GAB1: variants seen among roughly 807,000 people sequenced by gnomAD.
GAB1 encodes GRB2 associated binding protein 1.
Under a neutral mutation model 66.5 loss-of-function variants are expected in GAB1, and 19 were observed. That is an observed-to-expected ratio of 0.29 (90% CI 0.20 to 0.42). The LOEUF is 0.42. Ranked by LOEUF, GAB1 falls within the 10% of genes least tolerant of loss-of-function variation. The pLI is 1.00. For missense variants in GAB1, 732 were observed against 858.5 expected (o/e 0.85, Z 1.84); for synonymous variants, 294 against 301.4 (o/e 0.98, Z 0.25).
At chr4:143,459,163 G>A (rs902705748) in intron 6 of GAB1, among the ~76,000 whole-genome samples, 2 of 151,984 alleles carry the variant, frequency 1.3e-5, no homozygotes, top group Admixed American at 6.5e-5. Flanking sequence ...AGGCTTTGAG[G>A]TAACAATCAT....
intron 1 of GAB1, among the ~76,000 whole-genome samples, chr4:143,398,828 G>A (rs1731593827): frequency 6.6e-6 from 1 of 152,152 alleles, no homozygotes; most frequent in Admixed American, 6.5e-5. Flanking sequence ...GGGAAGCTGA[G>A]GCAGGAGGAT....
chr4:143,444,895 G>C (rs925039263), intron 6 of GAB1, among the ~76,000 whole-genome samples: 2 of 152,084 alleles, frequency 1.3e-5, no homozygotes, highest in Admixed American at 1.3e-4. Context: ...TTAGGATAAT[G>C]GCCTCCACCT....
intron 1 of GAB1, among the ~76,000 whole-genome samples, chr4:143,371,101 C>G (rs1581237059): frequency 1.3e-5 from 2 of 152,076 alleles, no homozygotes; most frequent in East Asian, 1.9e-4. Flanking sequence ...ATTTCTAGTT[C>G]TAGATCCCTG....
chr4:143,366,652 C>A (rs909571292), intron 1 of GAB1, among the ~76,000 whole-genome samples: 1 of 152,128 alleles, frequency 6.6e-6, no homozygotes, highest in African/African-American at 2.4e-5. Context: ...TACGCAGGCA[C>A]ACTCCTTCCT....
intron 9 of GAB1, among the ~76,000 whole-genome samples, chr4:143,468,345 G>A (rs1172488248): frequency 6.7e-6 from 1 of 149,482 alleles, no homozygotes; most frequent in Non-Finnish European, 1.5e-5. Context: ...CTCCCAAGTA[G>A]CTGGGATTAC....
intron 1 of GAB1, among the ~76,000 whole-genome samples, chr4:143,373,868 A>AATAT (rs1553945760): frequency 8.5e-5 from 8 of 93,666 alleles, no homozygotes; most frequent in South Asian, 4.4e-4. Flanking sequence ...TAAATAAATA[A>AATAT]ATATATATAT....
intron 1 of GAB1, among the ~76,000 whole-genome samples, chr4:143,360,851 G>T (rs916214787): frequency 6.6e-6 from 1 of 152,164 alleles, no homozygotes; most frequent in African/African-American, 2.4e-5. Context: ...TTGACTAGGG[G>T]AAATCAAATG....
intron 1 of GAB1, among the ~76,000 whole-genome samples, chr4:143,351,199 C>T (rs1729200381): frequency 6.6e-6 from 1 of 152,192 alleles, no homozygotes; most frequent in African/African-American, 2.4e-5. Context: ...TTTCTGTATC[C>T]CAGTGTTTCT....
At chr4:143,453,112 C>A (rs1735009439) in intron 6 of GAB1, among the ~76,000 whole-genome samples, 1 of 152,056 alleles carries the variant, frequency 6.6e-6, no homozygotes, top group African/African-American at 2.4e-5. Flanking sequence ...TCATTTCTGT[C>A]TGGAACATTA....
intron 2 of GAB1, among the ~76,000 whole-genome samples, chr4:143,426,290 C>G (rs1733352854): frequency 6.6e-6 from 1 of 152,196 alleles, no homozygotes; most frequent in Non-Finnish European, 1.5e-5. Context: ...GACACAAAGT[C>G]TGTAATTCCA....
chr4:143,348,192 C>A lies in GAB1; in HGVS notation c.72+10932C>A, dbSNP rs952533010. On this transcript the variant is annotated intron_variant, in intron 1 of 9. Coordinates refer to ENST00000262994, the MANE Select transcript of GAB1 (RefSeq NM_002039.4). ...ATTATAATCTTGGATGTTTTCTGACCTTTAAAGCTCATCTATGGCTCTTAA... is the reference window on the plus strand; with the variant it reads ...ATTATAATCTTGGATGTTTTCTGACATTTAAAGCTCATCTATGGCTCTTAA... 1.3e-5 allele frequency among the ~76,000 whole-genome samples: 2 copies of A among 152,200 alleles called. 1 individual carries two copies. The highest frequency in any genetic ancestry group is 4.8e-5 in the African/African-American group (2 of 41,452).
chr4:143,343,943 A>G (rs553431912), intron 1 of GAB1, among the ~76,000 whole-genome samples: 1 of 152,338 alleles, frequency 6.6e-6, no homozygotes, highest in South Asian at 2.1e-4. Flanking sequence ...AATGTTCCTC[A>G]TGGGTTCCTG....
At chr4:143,411,291 C>G (rs1348385592) in intron 1 of GAB1, among the ~76,000 whole-genome samples, 1 of 152,176 alleles carries the variant, frequency 6.6e-6, no homozygotes, top group African/African-American at 2.4e-5. Context: ...CCAGACTTAA[C>G]TGTTGACTTC....
At chr4:143,426,017 A>C in intron 2 of GAB1, 1 of 617,514 alleles carries the variant, frequency 1.6e-6, no homozygotes, top group Admixed American at 2.9e-5. Flanking sequence ...AAAAAAAGAA[A>C]AAATTAACTC....
chr4:143,414,577 G>T (rs913607295), intron 1 of GAB1, among the ~76,000 whole-genome samples: 1 of 152,080 alleles, frequency 6.6e-6, no homozygotes, highest in African/African-American at 2.4e-5. Context: ...ACAACAGGCT[G>T]TGTGGCTAAA....
chr4:143,427,996 C>T (rs1733453976), intron 2 of GAB1, among the ~76,000 whole-genome samples: 1 of 152,162 alleles, frequency 6.6e-6, no homozygotes, highest in East Asian at 1.9e-4. Context: ...GTGGCCTTCA[C>T]CTATGTTAAT....
chr4:143,447,101 T>C (rs2149771043), intron 6 of GAB1, among the ~76,000 whole-genome samples: 1 of 152,218 alleles, frequency 6.6e-6, no homozygotes, highest in Admixed American at 6.5e-5. Context: ...GATCAGATAG[T>C]TGTAGATATG....
At chr4:143,362,455 T>G (rs1300132377) in intron 1 of GAB1, among the ~76,000 whole-genome samples, 1 of 152,158 alleles carries the variant, frequency 6.6e-6, no homozygotes, top group African/African-American at 2.4e-5. Flanking sequence ...GCCCGAGGGC[T>G]GCTGGTTGGC....
Position 143,445,783 on chromosome 4 carries a change from G to GT in GAB1, c.1585+5408dup, listed in dbSNP as rs1464205087. On this transcript the variant is annotated intron_variant, in intron 6 of 9. Coordinates refer to ENST00000262994, the MANE Select transcript of GAB1 (RefSeq NM_002039.4). ...CATGGTGAATCACATTTATTGATTT[G>GT]TTTTTTTGTTTGTTTGTTTTTAATT... is the stretch of plus-strand genomic sequence containing the variant. 8.5e-4 allele frequency among the ~76,000 whole-genome samples: 129 copies of GT among 152,006 alleles called. 1 individual carries two copies. The highest frequency in any genetic ancestry group is 8.4e-3 in the Admixed American group (128 of 15,256).
Sources: gnomAD v4.1 joint callset for allele counts (sites outside exome capture counted in the v4.1 genomes callset) on GRCh38, gnomAD v4.1.1 for gene constraint, MANE v1.5 for transcripts, NCBI Gene and HGNC (gene_info 2026-07-23, HGNC 2026-07-21) for gene names.